Variants in SLC26A4 observed in about 807,000 individuals in gnomAD.
The protein encoded by SLC26A4 is pendrin.
Under a neutral mutation model 90.4 loss-of-function variants are expected in SLC26A4, and 93 were observed. That is an observed-to-expected ratio of 1.03 (90% CI 0.87 to 1.22). SLC26A4 has a LOEUF of 1.22. Among genes scored for constraint, SLC26A4 ranks in the 50% most tolerant of loss-of-function variants. The pLI is 0.00. For synonymous variants in SLC26A4, 393 were observed against 354.6 expected (o/e 1.11, Z -1.22); for missense variants, 1,127 against 946.2 (o/e 1.19, Z -2.51).
At chr7:107,669,116 C>A (rs185241299) in intron 3 of SLC26A4, among the ~76,000 whole-genome samples, 216 of 152,170 alleles carry the variant, frequency 1.4e-3, no homozygotes, top group Non-Finnish European at 2.5e-3. Context: ...TACCAACACC[C>A]CCAGCTAATT....
intron 6 of SLC26A4, among the ~76,000 whole-genome samples, chr7:107,677,998 T>A (rs57563908): frequency 1.3e-5 from 2 of 152,236 alleles, no homozygotes; most frequent in East Asian, 3.9e-4. Flanking sequence ...AGGCTGGTCT[T>A]GAACCCCTGG....
chr7:107,675,619 G>A (rs1200985208), intron 6 of SLC26A4, among the ~76,000 whole-genome samples: 1 of 146,338 alleles, frequency 6.8e-6, no homozygotes, highest in Non-Finnish European at 1.5e-5. Flanking sequence ...TGTCACCCAG[G>A]CTGGAGTGCA....
chr7:107,680,164 AATCTT>A (rs535827575), intron 6 of SLC26A4, among the ~76,000 whole-genome samples: 1 of 119,794 alleles, frequency 8.3e-6, no homozygotes, highest in African/African-American at 3.8e-5. Flanking sequence ...TATATAATAT[AATCTT>A]ATCTTATTAT....
chr7:107,693,795 C>G (rs771401862), intron 10 of SLC26A4: 13 of 804,502 alleles, frequency 1.6e-5, no homozygotes, highest in Non-Finnish European at 2.0e-5. Flanking sequence ...AGCCTGCCTC[C>G]GTGGAACTGT....
chr7:107,710,308 T>TATA, intron 19 of SLC26A4, 109 bp downstream of exon 19: 1 of 821,588 alleles, frequency 1.2e-6, no homozygotes, highest in Non-Finnish European at 2.1e-6. Flanking sequence ...AAGCTACCTA[T>TATA]ATAACTTCAT....
rs753272054 is a variant in SLC26A4, at chr7:107,700,189, C to T, written c.1707+14C>T. 1.5e-5 allele frequency: 20 copies of T among 1,366,864 alleles called. No individual in the cohort carries two copies. In the South Asian group the frequency reaches 1.9e-4, roughly 13 times the overall value. 84.7% of individuals were successfully genotyped at this position (1,366,864 alleles called of 1,614,324 possible). A position where few individuals can be genotyped will look rare whatever the true frequency, so the allele number is the denominator to read the frequency against. Reference sequence around the variant, plus strand: ...ATCAAGTCCACAGTAAGTATTTTATCCCTAGAAATTTGTTTTCTAACCTCT... The same window carrying T: ...ATCAAGTCCACAGTAAGTATTTTATTCCTAGAAATTTGTTTTCTAACCTCT... On this transcript the variant is annotated intron_variant, in intron 15 of 20. Transcript: ENST00000644269.
intron 10 of SLC26A4, 120 bp from the exon 11 acceptor site, chr7:107,694,283 G>T (rs759537865): frequency 1.6e-5 from 12 of 768,140 alleles, no homozygotes; most frequent in Non-Finnish European, 2.3e-5. Context: ...TGAGCAGAAG[G>T]GGGAGACAGG....
At chr7:107,685,144 C>T (rs1040624501) in intron 8 of SLC26A4, among the ~76,000 whole-genome samples, 1 of 152,148 alleles carries the variant, frequency 6.6e-6, no homozygotes, top group Non-Finnish European at 1.5e-5. Flanking sequence ...AGGGCAGTGA[C>T]CCCATTGGTG....
rs772041663 is a variant in SLC26A4, at chr7:107,701,815, T to C, written c.1804-12T>C. 9 of 1,517,974 alleles carry C rather than the reference T, an allele frequency of 5.9e-6. No individual in the cohort carries two copies. The highest frequency in any genetic ancestry group is 7.3e-6 in the Non-Finnish European group (8 of 1,093,084). The allele number at this position is 1,517,974 out of a possible 1,614,324, so 94.0% of individuals were successfully genotyped here. On this transcript the variant is annotated splice_polypyrimidine_tract_variant and intron_variant, in intron 16 of 20. Coordinates refer to ENST00000644269, the MANE Select transcript of SLC26A4 (RefSeq NM_000441.2). Reference sequence around the variant, plus strand: ...CTTTGACAATTAAGTTGACAGTGTTTTCTTCGTTTAGAATGGCATCATAAG... The same window carrying C: ...CTTTGACAATTAAGTTGACAGTGTTCTCTTCGTTTAGAATGGCATCATAAG...
At chr7:107,688,736 T>C (rs1192036792) in intron 8 of SLC26A4, among the ~76,000 whole-genome samples, 1 of 152,122 alleles carries the variant, frequency 6.6e-6, no homozygotes. Context: ...CACTAACATG[T>C]GAAATGGCAT....
rs147416138 is a variant in SLC26A4, at chr7:107,710,353, A to G, written c.2235+154A>G. ...GTTTTTTCATCAGTAAAATGGAAGT[A>G]AAAACATTAACCTTGCTAGGTAGAT... is the stretch of plus-strand genomic sequence containing the variant. On this transcript the variant is annotated intron_variant, in intron 19 of 20. Transcript: ENST00000644269. 6.3e-3 allele frequency among the ~76,000 whole-genome samples: 966 copies of G among 152,332 alleles called. 13 individuals are homozygous for G. Among genetic ancestry groups the G allele is most frequent in the African/African-American group, 0.022 (929 of 41,574 alleles).
chr7:107,695,303 G>T lies in SLC26A4; in HGVS notation c.1437+587G>T, dbSNP rs540748900. Among the ~76,000 whole-genome samples the T allele has an allele frequency of 6.6e-5, 10 of 152,240 alleles. No homozygotes were observed. In the South Asian group the frequency reaches 1.5e-3, roughly 22 times the overall value. ...CAGGCAGAAATAAAAGCGGATACAAGGAGGGAGGGAAGTTGGGAATGGGTG... is the reference window on the plus strand; with the variant it reads ...CAGGCAGAAATAAAAGCGGATACAATGAGGGAGGGAAGTTGGGAATGGGTG... On this transcript the variant is annotated intron_variant, in intron 12 of 20. Transcript: ENST00000644269.
chr7:107,663,633 T>C (rs1359846346), intron 3 of SLC26A4, among the ~76,000 whole-genome samples, 198 bp downstream of exon 3: 6 of 152,172 alleles, frequency 3.9e-5, no homozygotes, highest in African/African-American at 4.8e-5. Context: ...CCCCACTAGG[T>C]GCAGAGGTCC....
At chr7:107,678,307 A>G (rs1224701791) in intron 6 of SLC26A4, among the ~76,000 whole-genome samples, 2 of 152,218 alleles carry the variant, frequency 1.3e-5, no homozygotes, top group Admixed American at 1.3e-4. Flanking sequence ...CCAGTGACTC[A>G]TTAACCTACC....
intron 18 of SLC26A4, among the ~76,000 whole-genome samples, chr7:107,707,639 C>T (rs1396540416): frequency 6.6e-6 from 1 of 152,146 alleles, no homozygotes. Flanking sequence ...TATACCAAGA[C>T]CTATCACATT....
chr7:107,674,386 T>C lies in SLC26A4; in HGVS notation c.600+38T>C, dbSNP rs532960877. The C allele has an allele frequency of 3.9e-5, 56 of 1,447,486 alleles. No homozygotes were observed. The South Asian group carries it at 6.2e-4, about 16-fold the overall frequency. The allele number at this position is 1,447,486 out of a possible 1,614,324, so 89.7% of individuals were successfully genotyped here. ...CAAGTAAAATATAGATGGATGTAAT[T>C]TTTATTTGAAATTAACTTTAAAGCA... On this transcript the variant is annotated intron_variant, in intron 5 of 20. Coordinates refer to ENST00000644269, the MANE Select transcript of SLC26A4 (RefSeq NM_000441.2).
chr7:107,706,905 C>T (rs770976134), intron 18 of SLC26A4, among the ~76,000 whole-genome samples: 14 of 152,152 alleles, frequency 9.2e-5, no homozygotes, highest in Non-Finnish European at 1.5e-4. Context: ...TGCGGTGGCT[C>T]ACATCTGTAA....
chr7:107,682,044 G>A (rs550475714), intron 6 of SLC26A4, among the ~76,000 whole-genome samples: 5 of 147,804 alleles, frequency 3.4e-5, no homozygotes, highest in East Asian at 2.0e-4. Flanking sequence ...AGGGTGATGT[G>A]GAAGGATTGC....
At chr7:107,681,720 C>T (rs1791234787) in intron 6 of SLC26A4, among the ~76,000 whole-genome samples, 1 of 152,088 alleles carries the variant, frequency 6.6e-6, no homozygotes, top group Non-Finnish European at 1.5e-5. Flanking sequence ...TGAAAACACC[C>T]TTGATTCCCA....
Sources: gnomAD v4.1 joint callset for allele counts (sites outside exome capture counted in the v4.1 genomes callset) on GRCh38, gnomAD v4.1.1 for gene constraint, MANE v1.5 for transcripts, NCBI Gene and HGNC (gene_info 2026-07-23, HGNC 2026-07-21) for gene names.